Variants in IAH1 observed in about 807,000 individuals in gnomAD.
IAH1 encodes isoamyl acetate hydrolyzing esterase 1 (putative).
A neutral mutation model predicts 26.7 loss-of-function variants in IAH1; 24 were observed. The ratio of observed to expected loss-of-function variants is 0.90; its 90% CI spans 0.65 to 1.26. The LOEUF (loss-of-function observed/expected upper bound fraction) is 1.26, where lower values mean the gene tolerates loss of function less well. Among genes scored for constraint, IAH1 ranks in the 50% most tolerant of loss-of-function variants. The pLI is 0.00. For missense variants in IAH1, 300 were observed against 299.9 expected, an observed-to-expected ratio of 1.00 and a Z score of 0.00; for synonymous variants, 140 against 118.5, an observed-to-expected ratio of 1.18 and a Z score of -1.18.
intron 3 of IAH1, among the ~76,000 whole-genome samples, chr2:9,479,706 C>T (rs559323114): frequency 6.3e-4 from 95 of 150,276 alleles, no homozygotes; most frequent in African/African-American, 2.1e-3. Context: ...TGGCAATATG[C>T]GCCAAGGGAC....
intron 6 of IAH1, among the ~76,000 whole-genome samples, chr2:9,495,621 C>T (rs1011220563): frequency 1.3e-5 from 2 of 150,470 alleles, no homozygotes; most frequent in Non-Finnish European, 2.9e-5. Flanking sequence ...GGCTGAGGCA[C>T]GAGAATCACT....
rs772704168 is a variant in IAH1, at chr2:9,478,285, T to C, written c.198T>C (p.Leu66=). The change falls in exon 3 of 6, where the codon CTT becomes CTC. Residue 66 remains leucine (L), a synonymous_variant. Coordinates refer to ENST00000497473, the MANE Select transcript of IAH1 (RefSeq NM_001039613.3). ...ATACCAGGTGGGCCAAAATTATCCT[T>C]CCAAGATTAATCAGGAAAGGAAACA... is the stretch of plus-strand genomic sequence containing the variant. ...GYNTRWAKII[L]PRLIRKGNSL... is the part of the protein sequence containing the mutation. 6.2e-7 allele frequency: 1 copy of C among 1,613,566 alleles called. No individual in the cohort carries two copies. Among genetic ancestry groups the C allele is most frequent in the South Asian group, 1.1e-5 (1 of 90,966 alleles).
chr2:9,486,169 A>T (rs1228304664), intron 5 of IAH1: 1 of 152,242 alleles, frequency 6.6e-6, no homozygotes, highest in Non-Finnish European at 1.5e-5. Context: ...TGGGAAAGTC[A>T]TACTACCACG....
downstream of IAH1, chr2:9,497,336 T>C: frequency 6.5e-7 from 1 of 1,544,370 alleles, no homozygotes; most frequent in Non-Finnish European, 8.7e-7. Context: ...CTCATACAAG[T>C]GAGCATCTTA....
downstream of IAH1, among the ~76,000 whole-genome samples, chr2:9,499,065 C>T (rs11690078): frequency 0.58 from 87,226 of 150,844 alleles, 26,462 homozygotes; most frequent in African/African-American, 0.69. Context: ...CCAGGTGATG[C>T]TGCTGCTGCT....
At chr2:9,477,200 C>T (rs886341415) in intron 2 of IAH1, among the ~76,000 whole-genome samples, 4 of 152,150 alleles carry the variant, frequency 2.6e-5, no homozygotes, top group Non-Finnish European at 4.4e-5. Flanking sequence ...TGAGCAGTGT[C>T]AGAAAGTGTC....
rs763645979 is a variant in IAH1 at position 9,474,616 on chromosome 2, G to T, written c.50G>T (p.Arg17Leu). The change falls in exon 1 of 6, where the codon CGC becomes CTC. Residue 17 changes from arginine (R) to leucine (L), a missense_variant. Coordinates refer to ENST00000497473, the MANE Select transcript of IAH1 (RefSeq NM_001039613.3). The surrounding 1 kb of genome is among the most constrained non-coding windows in gnomAD (Gnocchi z 4.3). ...AGCGSALLWP[R>L]LLLFGDSITQ... is the part of the protein sequence containing the mutation. The stretch of plus-strand genomic sequence containing the variant: ...TGCGGGAGTGCCCTGCTCTGGCCTC[G>T]CTTGTTGCTCTTCGGGGACTCCATC... The T allele has an allele frequency of 7.7e-6, 12 of 1,554,704 alleles. No homozygotes were observed. In the African/African-American group the frequency reaches 1.0e-4, roughly 13 times the overall value.
chr2:9,491,077 G>A (rs1261881358), downstream of IAH1: 2 of 1,605,526 alleles, frequency 1.2e-6, no homozygotes, highest in Non-Finnish European at 1.7e-6. Context: ...CGAAGATTAT[G>A]TTTCTTTCAT....
chr2:9,490,896 C>T (rs1001881904), downstream of IAH1, among the ~76,000 whole-genome samples: 1 of 152,158 alleles, frequency 6.6e-6, no homozygotes, highest in Admixed American at 6.5e-5. Context: ...GGGGACAGCA[C>T]AGCTCTTTAA....
At chr2:9,490,076 A>C (rs1009815188), downstream of IAH1, 3 of 1,133,336 alleles carry the variant, frequency 2.6e-6, no homozygotes, top group African/African-American at 1.6e-5. Flanking sequence ...GCATCTGCTA[A>C]GTCACTTCCC....
At chr2:9,487,844 G>A (rs986536126) in intron 5 of IAH1, among the ~76,000 whole-genome samples, 24 of 145,196 alleles carry the variant, frequency 1.7e-4, no homozygotes, top group Middle Eastern at 7.3e-3. Flanking sequence ...GCGCGCGCGC[G>A]CGCGCGCTGT....
the IAH1 span, chr2:9,505,673 A>G: frequency 2.8e-6 from 1 of 356,162 alleles, no homozygotes; most frequent in South Asian, 2.6e-5. Flanking sequence ...AAGGACAAGC[A>G]GAATAGCACA....
At chr2:9,501,226 G>C (rs1273130276), downstream of IAH1, among the ~76,000 whole-genome samples, 1 of 152,078 alleles carries the variant, frequency 6.6e-6, no homozygotes, top group Non-Finnish European at 1.5e-5. Context: ...AAAAATGTAA[G>C]TAAGTGCATT....
chr2:9,509,789 T>C, the IAH1 span, among the ~76,000 whole-genome samples: 1 of 152,164 alleles, frequency 6.6e-6, no homozygotes, highest in Non-Finnish European at 1.5e-5. Flanking sequence ...GTCCAAATGA[T>C]AGTTTTAACC....
At chr2:9,482,029 TC>T (rs376742556) in intron 4 of IAH1, among the ~76,000 whole-genome samples, 2 of 110,688 alleles carry the variant, frequency 1.8e-5, no homozygotes, top group African/African-American at 8.0e-5. Flanking sequence ...TTATGGAAGT[TC>T]TCTTTTTTTT....
At chr2:9,483,701 T>C (rs931818442) in intron 4 of IAH1, among the ~76,000 whole-genome samples, 1 of 151,892 alleles carries the variant, frequency 6.6e-6, no homozygotes, top group African/African-American at 2.4e-5. Context: ...CCTAGCACAA[T>C]CCCCAGATAC....
downstream of IAH1, among the ~76,000 whole-genome samples, chr2:9,499,436 C>G (rs994249785): frequency 2.0e-5 from 3 of 151,790 alleles, no homozygotes; most frequent in Non-Finnish European, 2.9e-5. Flanking sequence ...GAGTCTTGCT[C>G]TGTTGCCCAG....
downstream of IAH1, among the ~76,000 whole-genome samples, chr2:9,500,953 T>C (rs1214927043): frequency 3.3e-5 from 5 of 152,164 alleles, no homozygotes; most frequent in Non-Finnish European, 4.4e-5. Context: ...TTTTTAACCA[T>C]CCGCCATGGC....
chr2:9,478,984 CTTTT>C (rs1251982406), intron 3 of IAH1, among the ~76,000 whole-genome samples: 34 of 152,178 alleles, frequency 2.2e-4, no homozygotes, highest in Admixed American at 2.2e-3. Context: ...CCAGAGATTT[CTTTT>C]GTTACCCTAC....
Sources: allele counts gnomAD v4.1 joint callset (sites outside exome capture counted in the v4.1 genomes callset), GRCh38; gene constraint gnomAD v4.1.1; non-coding constraint Gnocchi (gnomAD v3.1); transcripts MANE v1.5; gene names NCBI Gene and HGNC (gene_info 2026-07-23, HGNC 2026-07-21).